VRK1: variants seen among roughly 807,000 people sequenced by gnomAD.
The protein encoded by VRK1 is VRK serine/threonine kinase 1.
Under a neutral mutation model 57.1 loss-of-function variants are expected in VRK1, and 33 were observed. That is an observed-to-expected ratio of 0.58 (90% CI 0.44 to 0.77). The LOEUF (loss-of-function observed/expected upper bound fraction) is 0.77, where lower values mean the gene tolerates loss of function less well. Ranked by LOEUF, VRK1 falls within the 30% of genes least tolerant of loss-of-function variation. The probability of loss-of-function intolerance (pLI) is 0.00; values close to 1 mark genes in which losing one functional copy is unlikely to be tolerated. For synonymous variants in VRK1, 137 were observed against 147.8 expected (o/e 0.93, Z 0.53); for missense variants, 413 against 477.3 (o/e 0.87, Z 1.25).
Position 96,864,087 on chromosome 14 carries a change from A to C in VRK1, c.1068+3352A>C, listed in dbSNP as rs574400187. 3.9e-5 allele frequency among the ~76,000 whole-genome samples: 6 copies of C among 152,308 alleles called. No homozygotes were observed. In the East Asian group the frequency reaches 9.6e-4, roughly 24 times the overall value. On this transcript the variant is annotated intron_variant, in intron 11 of 12. Coordinates refer to ENST00000216639, the MANE Select transcript of VRK1 (RefSeq NM_003384.3). ...TATAAATTTTAGATTGTTGAAGTAC[A>C]TTCCTGTTTTCTAATGGTTTGATCA... is the stretch of plus-strand genomic sequence containing the variant.
intron 1 of VRK1, among the ~76,000 whole-genome samples, chr14:96,820,626 A>G (rs749756551): frequency 3.0e-4 from 45 of 152,356 alleles, no homozygotes; most frequent in Middle Eastern, 3.4e-3. Flanking sequence ...ATAGTCTAAA[A>G]TAAACAAAAT....
At chr14:96,875,941 T>C (rs1417995804) in intron 11 of VRK1, 89 bp from the exon 12 acceptor site, 18 of 1,392,404 alleles carry the variant, frequency 1.3e-5, no homozygotes, top group Non-Finnish European at 1.1e-5. Flanking sequence ...TATATACATT[T>C]ATACACACAC....
chr14:96,837,766 T>G lies in VRK1; in HGVS notation c.165T>G (p.Asp55Glu). 6.4e-7 allele frequency: 1 copy of G among 1,558,942 alleles called. No homozygotes were observed. Among genetic ancestry groups the G allele is most frequent in the Non-Finnish European group, 8.7e-7 (1 of 1,151,166 alleles). Residue 55 changes from aspartate (D) to glutamate (E), a missense_variant, in exon 3 of 13, where the codon GAT becomes GAG. By Grantham distance (45) the Asp-to-Glu change is conservative. Transcript: ENST00000216639. Reference protein sequence around the residue: ...QGGFGCIYLADMNSSESVGSD... With the variant: ...QGGFGCIYLAEMNSSESVGSD... The stretch of plus-strand genomic sequence containing the variant: ...ATATTTTACTTTTTTAAACAGCTGA[T>G]ATGAATTCTTCAGAGTCAGTTGGCA...
intron 2 of VRK1, among the ~76,000 whole-genome samples, chr14:96,835,725 A>C (rs1450225687): frequency 6.6e-6 from 1 of 152,166 alleles, no homozygotes; most frequent in Non-Finnish European, 1.5e-5. Flanking sequence ...CTAATATCCT[A>C]GTTCCTTTTC....
At chr14:96,879,935 A>T (rs985651595) in intron 12 of VRK1, among the ~76,000 whole-genome samples, 75 of 151,716 alleles carry the variant, frequency 4.9e-4, no homozygotes, top group African/African-American at 1.5e-3. Context: ...TCAAAAAAAA[A>T]AATAATAATA....
chr14:96,878,111 C>G (rs921833631), intron 12 of VRK1, among the ~76,000 whole-genome samples: 1 of 152,064 alleles, frequency 6.6e-6, no homozygotes, highest in Non-Finnish European at 1.5e-5. Context: ...TTACAGTTCA[C>G]TTTTTTCCCC....
At chr14:96,867,987 A>AT (rs1888650796) in intron 11 of VRK1, among the ~76,000 whole-genome samples, 1 of 150,148 alleles carries the variant, frequency 6.7e-6, no homozygotes, top group African/African-American at 2.5e-5. Context: ...TATTGCTTAG[A>AT]TTTTTTTCAA....
At chr14:96,838,231 T>C (rs1181570078) in intron 3 of VRK1, among the ~76,000 whole-genome samples, 1 of 151,502 alleles carries the variant, frequency 6.6e-6, no homozygotes, top group Non-Finnish European at 1.5e-5. Context: ...CTGTTCCCAA[T>C]TTTCTTCCAT....
intron 1 of VRK1, among the ~76,000 whole-genome samples, chr14:96,823,130 C>T (rs1445424002): frequency 6.6e-6 from 1 of 152,246 alleles, no homozygotes; most frequent in African/African-American, 2.4e-5. Flanking sequence ...CTACCTTCTA[C>T]TCCCTATCCT....
chr14:96,856,030 T>G, intron 8 of VRK1, 100 bp from the exon 9 acceptor site: 1 of 1,380,538 alleles, frequency 7.2e-7, no homozygotes, highest in Non-Finnish European at 1.0e-6. Context: ...AAAAACAGAC[T>G]GTGGAGTTGA....
At chr14:96,852,967 T>TA in intron 6 of VRK1, 28 bp downstream of exon 6, 2 of 1,611,606 alleles carry the variant, frequency 1.2e-6, no homozygotes, top group Non-Finnish European at 1.7e-6. Flanking sequence ...TTCTTGTTTT[T>TA]AAAAAATTGT....
intron 10 of VRK1, among the ~76,000 whole-genome samples, chr14:96,857,976 AATT>A (rs1888233576): frequency 6.6e-6 from 1 of 152,130 alleles, no homozygotes; most frequent in African/African-American, 2.4e-5. Context: ...GTCCTCTTGA[AATT>A]ATTGTTTACT....
intron 3 of VRK1, among the ~76,000 whole-genome samples, chr14:96,843,668 A>G (rs1451473211): frequency 1.3e-5 from 2 of 152,154 alleles, no homozygotes; most frequent in African/African-American, 4.8e-5. Flanking sequence ...GTCAGTCCCA[A>G]TTTCTTTTCT....
chr14:96,828,471 T>C (rs1203722139), intron 1 of VRK1, among the ~76,000 whole-genome samples: 3 of 152,194 alleles, frequency 2.0e-5, no homozygotes, highest in Non-Finnish European at 2.9e-5. Flanking sequence ...CAAAATCTTA[T>C]TATGAAGTGA....
chr14:96,864,552 A>G (rs1243453581), intron 11 of VRK1, among the ~76,000 whole-genome samples: 1 of 152,152 alleles, frequency 6.6e-6, no homozygotes, highest in Non-Finnish European at 1.5e-5. Context: ...AGTTGTGATA[A>G]TGCTGTTAAG....
intron 1 of VRK1, among the ~76,000 whole-genome samples, chr14:96,817,288 T>C (rs550874626): frequency 7.9e-4 from 121 of 152,278 alleles, no homozygotes; most frequent in Non-Finnish European, 1.4e-3. Flanking sequence ...ATTTAAAGGG[T>C]TCTTTAAATA....
chr14:96,837,656 G>A, intron 2 of VRK1, 106 bp from the exon 3 acceptor site: 1 of 551,286 alleles, frequency 1.8e-6, no homozygotes, highest in Non-Finnish European at 2.9e-6. Flanking sequence ...CACATACTTG[G>A]GAACTGAAGT....
At chr14:96,874,644 T>C (rs904082319) in intron 11 of VRK1, among the ~76,000 whole-genome samples, 2 of 152,238 alleles carry the variant, frequency 1.3e-5, no homozygotes, top group African/African-American at 4.8e-5. Context: ...TTTGTATGTG[T>C]GAAGCATTTT....
At chr14:96,811,118 A>T (rs1458362508) in intron 1 of VRK1, among the ~76,000 whole-genome samples, 1 of 151,824 alleles carries the variant, frequency 6.6e-6, no homozygotes, top group Non-Finnish European at 1.5e-5. Context: ...TTTAGTGGAG[A>T]TGGGATCTCA....
Sources: gnomAD v4.1 joint callset for allele counts (sites outside exome capture counted in the v4.1 genomes callset) on GRCh38, gnomAD v4.1.1 for gene constraint, MANE v1.5 for transcripts, NCBI Gene and HGNC (gene_info 2026-07-23, HGNC 2026-07-21) for gene names.